LVRN: variants seen among roughly 807,000 people sequenced by gnomAD.
The protein encoded by LVRN is laeverin, also known as aminopeptidase Q.
In LVRN, 99 loss-of-function variants were observed where a neutral mutation model predicts 111.4. The observed-to-expected ratio is 0.89, with a 90% CI of 0.76 to 1.05. LVRN has a LOEUF of 1.05. Ranked by LOEUF, LVRN falls within the 50% of genes least tolerant of loss-of-function variation. The probability of loss-of-function intolerance (pLI) is 0.00; values close to 1 mark genes in which losing one functional copy is unlikely to be tolerated. For missense variants in LVRN, 1,414 were observed against 1,206.8 expected, an observed-to-expected ratio of 1.17 and a Z score of -2.54; for synonymous variants, 488 against 449.5, an observed-to-expected ratio of 1.09 and a Z score of -1.08.
chr5:115,967,685 A>G (rs1275098255), intron 1 of LVRN, among the ~76,000 whole-genome samples: 2 of 152,190 alleles, frequency 1.3e-5, no homozygotes, highest in Non-Finnish European at 2.9e-5. Flanking sequence ...ATGTAAATTT[A>G]GGGAGAATTG....
rs1360630611 is a variant in LVRN, at chr5:115,962,524, G to C, written c.-94G>C. ...GAAGAGGCACGATACAAGAGAGGAG[G>C]GGCAGGGGTCGCAGCACTGAACACC... is the stretch of plus-strand genomic sequence containing the variant. On this transcript the variant is annotated 5_prime_UTR_variant, in exon 1 of 20. Transcript: ENST00000357872. The C allele has an allele frequency of 5.4e-6, 6 of 1,119,858 alleles. No homozygotes were observed. The highest frequency in any genetic ancestry group is 1.5e-5 in the African/African-American group (1 of 64,762). 69.4% of individuals were successfully genotyped at this position (1,119,858 alleles called of 1,614,324 possible).
At chr5:115,984,315 G>A (rs947484930) in intron 2 of LVRN, among the ~76,000 whole-genome samples, 1 of 152,104 alleles carries the variant, frequency 6.6e-6, no homozygotes, top group Admixed American at 6.6e-5. Flanking sequence ...TGGGGGCTAA[G>A]TTTATAGTGC....
chr5:116,024,714 A>T (rs1278780401), intron 19 of LVRN, among the ~76,000 whole-genome samples: 1 of 152,204 alleles, frequency 6.6e-6, no homozygotes, highest in Non-Finnish European at 1.5e-5. Context: ...GCAATCTTTG[A>T]AGTTTCAAAA....
chr5:115,969,877 G>T (rs909769894), intron 1 of LVRN, among the ~76,000 whole-genome samples: 7 of 148,652 alleles, frequency 4.7e-5, no homozygotes, highest in Admixed American at 6.7e-5. Flanking sequence ...ACCATTCTTC[G>T]TAATGTTCAT....
chr5:116,021,035 A>G (rs1748718390), intron 18 of LVRN: 1 of 152,218 alleles, frequency 6.6e-6, no homozygotes, highest in Non-Finnish European at 1.5e-5. Context: ...ATGATAAATC[A>G]TCTCTGTTTC....
chr5:115,972,074 A>AT (rs1753339129), intron 1 of LVRN, among the ~76,000 whole-genome samples: 1 of 152,118 alleles, frequency 6.6e-6, no homozygotes, highest in Non-Finnish European at 1.5e-5. Context: ...AAATTCAAGT[A>AT]TTTTTATGAA....
chr5:116,006,060 C>G (rs1748367920), intron 13 of LVRN, 93 bp downstream of exon 13: 1 of 1,007,150 alleles, frequency 9.9e-7, no homozygotes. Flanking sequence ...ATTATTTAGT[C>G]TATACAGGCC....
Position 116,002,836 on chromosome 5 carries a change from G to T in LVRN, c.1822G>T (p.Asp608Tyr). The T allele has an allele frequency of 1.3e-6, 2 of 1,599,788 alleles. No homozygotes were observed. The highest frequency in any genetic ancestry group is 2.2e-5 in the South Asian group (2 of 89,606). ...ATTTTTTTATTTTCTTCCAATAAGTGACACATGGATTGTCCCTATTCTTTG... is the reference window on the plus strand; with the variant it reads ...ATTTTTTTATTTTCTTCCAATAAGTTACACATGGATTGTCCCTATTCTTTG... Reference protein sequence around the residue: ...IKNRTLLTSNDTWIVPILWIK... With the variant: ...IKNRTLLTSNYTWIVPILWIK... Residue 608 changes from aspartate (D) to tyrosine (Y), a missense_variant and splice_region_variant, in exon 11 of 20, where the codon GAC (aspartate) becomes TAC (tyrosine). By Grantham distance (160) the Asp-to-Tyr change is radical (BLOSUM62 -3). Transcript: ENST00000357872.
Position 116,010,818 on chromosome 5 carries a change from A to G in LVRN, c.2171A>G (p.His724Arg). The G allele has an allele frequency of 6.2e-7, 1 of 1,612,652 alleles. No homozygotes were observed. The change falls in exon 14 of 20, where the codon CAT becomes CGT. Residue 724 changes from histidine to arginine, a missense_variant. Physicochemically the swap from His to Arg is conservative, Grantham distance 29. Transcript: ENST00000357872. The part of the protein sequence containing the change: ...LAEEDEIIVW[H>R]TVLVNLVTRD... Reference sequence around the variant, plus strand: ...GAAGAAGATGAAATTATAGTATGGCATACAGTCTTGGTAAACTTGGTAACC... The same window carrying G: ...GAAGAAGATGAAATTATAGTATGGCGTACAGTCTTGGTAAACTTGGTAACC...
At chr5:116,021,122 T>C (rs978597237) in intron 18 of LVRN, 3 of 152,222 alleles carry the variant, frequency 2.0e-5, no homozygotes, top group African/African-American at 7.2e-5. Flanking sequence ...TGCTTCCATA[T>C]ACATTTTCTC....
rs1748867710 is a variant in LVRN at position 116,026,390 on chromosome 5, A to G, written c.*272A>G. ...CAGAATTTACTTTAAATGTCACGTA[A>G]AAACAAATTCACCTAAGATAGTCTT... On this transcript the variant is annotated 3_prime_UTR_variant, in exon 20 of 20. Coordinates refer to ENST00000357872, the MANE Select transcript of LVRN (RefSeq NM_173800.5). 1.9e-5 allele frequency: 8 copies of G among 429,292 alleles called. No homozygotes were observed. The highest frequency in any genetic ancestry group is 3.0e-5 in the Non-Finnish European group (7 of 234,846). The allele number at this position is 429,292 out of a possible 1,614,324, so 26.6% of individuals were successfully genotyped here.
chr5:115,999,647 A>G (rs1748194657), intron 6 of LVRN, 115 bp from the exon 7 acceptor site: 1 of 1,137,124 alleles, frequency 8.8e-7, no homozygotes, highest in South Asian at 1.5e-5. Context: ...ACACTTCTCA[A>G]TTACTGAATT....
chr5:115,987,762 T>C, intron 3 of LVRN, 51 bp from the exon 4 acceptor site: 1 of 1,577,064 alleles, frequency 6.3e-7, no homozygotes, highest in Non-Finnish European at 8.6e-7. Context: ...ACTACCTCTT[T>C]CCAAAATCAC....
rs1293888146 is a variant in LVRN, at chr5:115,963,041, T to C, written c.424T>C (p.Ser142Pro). ...CACGGTGCGCTGCACGGTGGCCACC[T>C]CTCGACTGCTGCTGCATAGCCTCTT... ...NITVRCTVAT[S>P]RLLLHSLFQD... The change falls in exon 1 of 20, where the codon TCT becomes CCT. Residue 142 changes from serine (S) to proline (P), a missense_variant. Physicochemically the swap from Ser to Pro is moderately conservative, Grantham distance 74 (BLOSUM62 -1). Coordinates refer to ENST00000357872, the MANE Select transcript of LVRN (RefSeq NM_173800.5). 1 of 1,613,344 alleles carries C rather than the reference T, an allele frequency of 6.2e-7. No homozygotes were observed. Among genetic ancestry groups the C allele is most frequent in the Non-Finnish European group, 8.5e-7 (1 of 1,179,870 alleles).
chr5:115,993,726 TCTCA>T lies in LVRN; in HGVS notation c.1261-14_1261-11del. The T allele has an allele frequency of 6.5e-7, 1 of 1,537,072 alleles. No homozygotes were observed. Among genetic ancestry groups the T allele is most frequent in the Non-Finnish European group, 8.9e-7 (1 of 1,122,394 alleles). Reference sequence around the variant, plus strand: ...AAATTTAAGAAAGCTCTTTTTTTCTTCTCATTTCCAAAAGTGGTTTGGAAACTTG... The same window carrying T: ...AAATTTAAGAAAGCTCTTTTTTTCTTTTTCCAAAAGTGGTTTGGAAACTTG... On this transcript the variant is annotated splice_polypyrimidine_tract_variant and intron_variant, in intron 5 of 19. Coordinates refer to ENST00000357872, the MANE Select transcript of LVRN (RefSeq NM_173800.5).
rs1748859961 is a variant in LVRN at position 116,026,212 on chromosome 5, C to T, written c.*94C>T. 4.6e-6 allele frequency: 7 copies of T among 1,515,442 alleles called. No individual in the cohort carries two copies. In the Admixed American group the frequency reaches 5.8e-5, roughly 12 times the overall value. 93.9% of individuals were successfully genotyped at this position (1,515,442 alleles called of 1,614,324 possible). ...TACTTTGTGAGTCTGGAAAACCACA[C>T]ATTTTATTTGTATTTCAGTCACATT... On this transcript the variant is annotated 3_prime_UTR_variant, in exon 20 of 20. Transcript: ENST00000357872.
Position 116,005,395 on chromosome 5 carries a change from C to A in LVRN, c.2038-517C>A, listed in dbSNP as rs562335842. Among the ~76,000 whole-genome samples the A allele has an allele frequency of 2.6e-5, 4 of 152,280 alleles. No individual in the cohort carries two copies. In the East Asian group the frequency reaches 7.7e-4, roughly 29 times the overall value. On this transcript the variant is annotated intron_variant, in intron 12 of 19. Transcript: ENST00000357872. The stretch of plus-strand genomic sequence containing the variant: ...TCTAAAGAATCACACTGGCAATTGG[C>A]CCCTGCCATTCCATGGATGTAAAGG...
intron 1 of LVRN, among the ~76,000 whole-genome samples, chr5:115,963,846 T>C (rs149859623): frequency 6.6e-6 from 1 of 152,330 alleles, no homozygotes; most frequent in East Asian, 1.9e-4. Context: ...TTTGTTTCTA[T>C]TGCTGCCCCT....
intron 1 of LVRN, among the ~76,000 whole-genome samples, chr5:115,980,289 GT>G (rs1753536154): frequency 6.6e-6 from 1 of 151,952 alleles, no homozygotes; most frequent in African/African-American, 2.4e-5. Context: ...CCACTGTGAG[GT>G]TCTCAGAGGT....
Sources: gnomAD v4.1 joint callset for allele counts (sites outside exome capture counted in the v4.1 genomes callset) on GRCh38, gnomAD v4.1.1 for gene constraint, MANE v1.5 for transcripts, NCBI Gene and HGNC (gene_info 2026-07-23, HGNC 2026-07-21) for gene names.